DCHS2: variants seen among roughly 807,000 people sequenced by gnomAD.
The protein encoded by DCHS2 is protocadherin-23.
Under a neutral mutation model 182.4 loss-of-function variants are expected in DCHS2, and 142 were observed. The observed-to-expected ratio is 0.78, with a 90% confidence interval of 0.68 to 0.89. DCHS2 has a LOEUF of 0.89. Ranked by LOEUF, DCHS2 falls within the 40% of genes least tolerant of loss-of-function variation. The pLI is 0.00. For missense variants in DCHS2, 4,319 were observed against 4,198.6 expected (o/e 1.03, Z -0.79); for synonymous variants, 1,740 against 1,663.3 (o/e 1.05, Z -1.12).
chr4:154,343,949 C>A (rs951346519), intron 3 of DCHS2, among the ~76,000 whole-genome samples: 7 of 152,110 alleles, frequency 4.6e-5, no homozygotes, highest in African/African-American at 1.7e-4. Context: ...AGAGATATGC[C>A]ACTCTTCCTT....
intron 8 of DCHS2, 119 bp downstream of exon 8, chr4:154,322,212 G>GT: frequency 7.3e-7 from 1 of 1,363,800 alleles, no homozygotes; most frequent in African/African-American, 1.5e-5. Flanking sequence ...TAGTATTCAT[G>GT]TAACATACAT....
chr4:154,242,181 A>G (rs141076058), intron 17 of DCHS2, among the ~76,000 whole-genome samples: 35 of 152,328 alleles, frequency 2.3e-4, no homozygotes, highest in Non-Finnish European at 4.4e-5. Context: ...TTAGTGTGGT[A>G]CAAACGTTGA....
At chr4:154,278,932 C>CA (rs888785569) in intron 13 of DCHS2, among the ~76,000 whole-genome samples, 4 of 151,530 alleles carry the variant, frequency 2.6e-5, no homozygotes, top group African/African-American at 7.3e-5. Flanking sequence ...AATGAAAACA[C>CA]AAAAAAATAT....
At chr4:154,405,670 A>G (rs937365848) in intron 1 of DCHS2, among the ~76,000 whole-genome samples, 11 of 151,814 alleles carry the variant, frequency 7.2e-5, no homozygotes, top group Admixed American at 1.3e-4. Context: ...CATAGTTTTT[A>G]TTTTCTACTG....
At chr4:154,449,638 G>T (rs1417465564) in intron 1 of DCHS2, among the ~76,000 whole-genome samples, 1 of 152,152 alleles carries the variant, frequency 6.6e-6, no homozygotes, top group African/African-American at 2.4e-5. Context: ...CTCCCAAAGT[G>T]CTGGGATTAC....
At chr4:154,463,689 C>CTTTT (rs747424104) in intron 1 of DCHS2, among the ~76,000 whole-genome samples, 1 of 101,572 alleles carries the variant, frequency 9.8e-6, no homozygotes, top group African/African-American at 3.2e-5. Flanking sequence ...GCTATTCTCT[C>CTTTT]TTTTCTCTCT....
rs187925039 is a variant in DCHS2 at position 154,489,655 on chromosome 4, G to C, written c.1701C>G (p.Asp567Glu). ...GCCAGGCGTGATCACTGCCTGCCTCGTCGGCATCGGAGGCGCTGACCCACA... is the reference window on the plus strand; with the variant it reads ...GCCAGGCGTGATCACTGCCTGCCTCCTCGGCATCGGAGGCGCTGACCCACA... Reference protein sequence around the residue: ...VVMWVSASDADEAGSDHAWLR... With the variant: ...VVMWVSASDAEEAGSDHAWLR... The change falls in exon 1 of 20, where the codon GAC becomes GAG. Residue 567 changes from aspartate to glutamate, a missense_variant. By Grantham distance (45) the Asp-to-Glu change is conservative. Coordinates refer to ENST00000357232, the MANE Select transcript of DCHS2 (RefSeq NM_001358235.2). 9 of 1,551,516 alleles carry C rather than the reference G, an allele frequency of 5.8e-6. No individual in the cohort carries two copies. The highest frequency in any genetic ancestry group is 7.8e-6 in the Non-Finnish European group (9 of 1,146,948).
At chr4:154,365,962 G>A (rs1730332619) in intron 3 of DCHS2, among the ~76,000 whole-genome samples, 2 of 151,776 alleles carry the variant, frequency 1.3e-5, no homozygotes, top group African/African-American at 4.8e-5. Context: ...CCAATTTTAA[G>A]GTAAGGACAG....
In DCHS2 at chr4:154,421,125, G is replaced by A. The variant is rs142275853; in HGVS notation, c.2053-43681C>T. Among the ~76,000 whole-genome samples, 407 of 152,248 alleles carry A rather than the reference G, an allele frequency of 2.7e-3. 1 individual carries two copies. The highest frequency in any genetic ancestry group is 9.4e-3 in the African/African-American group (389 of 41,552). ...ATTATCTAGATACTGGGGAAGCATAGTGAAGAAGACTCAAAATGCAGCTTT... is the reference window on the plus strand; with the variant it reads ...ATTATCTAGATACTGGGGAAGCATAATGAAGAAGACTCAAAATGCAGCTTT... On this transcript the variant is annotated intron_variant, in intron 1 of 19. Coordinates refer to ENST00000357232, the MANE Select transcript of DCHS2 (RefSeq NM_001358235.2).
At chr4:154,430,269 T>C (rs560971632) in intron 1 of DCHS2, among the ~76,000 whole-genome samples, 1 of 152,280 alleles carries the variant, frequency 6.6e-6, no homozygotes, top group African/African-American at 2.4e-5. Context: ...GCCACTGAAA[T>C]ATTAGGCCAT....
intron 1 of DCHS2, among the ~76,000 whole-genome samples, chr4:154,422,294 T>C (rs896581383): frequency 6.6e-6 from 1 of 152,220 alleles, no homozygotes; most frequent in African/African-American, 2.4e-5. Context: ...TGTAGTACTC[T>C]AAATACAACT....
chr4:154,258,298 C>T (rs1172933910), intron 15 of DCHS2, among the ~76,000 whole-genome samples: 3 of 144,924 alleles, frequency 2.1e-5, no homozygotes, highest in Non-Finnish European at 4.5e-5. Context: ...AGCTGAGACT[C>T]TATTGGTCTT....
chr4:154,297,810 A>G (rs1734999230), intron 13 of DCHS2, 41 bp downstream of exon 13: 1 of 1,564,058 alleles, frequency 6.4e-7, no homozygotes, highest in Admixed American at 1.9e-5. Flanking sequence ...GCATTTTGTC[A>G]AAACAGGTAC....
In DCHS2 at chr4:154,400,302, CA is replaced by C. The variant is rs56268638; in HGVS notation, c.2053-22859del. Among the ~76,000 whole-genome samples, 189 of 91,438 alleles carry C rather than the reference CA, an allele frequency of 2.1e-3. 4 individuals are homozygous for C. Among genetic ancestry groups the C allele is most frequent in the Non-Finnish European group, 2.4e-3 (114 of 47,208 alleles). The allele number at this position is 91,438 out of a possible 152,430, so 60.0% of individuals were successfully genotyped here. On this transcript the variant is annotated intron_variant, in intron 1 of 19. Transcript: ENST00000357232. The stretch of plus-strand genomic sequence containing the variant: ...TGGGCAACAGAGCGAGACTTCGTCT[CA>C]AAAAAAAAAAAAAAGGAAGTAGGCT...
At chr4:154,341,347 A>T (rs1219638076) in intron 3 of DCHS2, among the ~76,000 whole-genome samples, 9 of 146,636 alleles carry the variant, frequency 6.1e-5, no homozygotes, top group Non-Finnish European at 1.3e-4. Context: ...CCAGCCTGAG[A>T]GACAGAGCGA....
chr4:154,464,190 T>C (rs973875345), intron 1 of DCHS2, among the ~76,000 whole-genome samples: 1 of 152,144 alleles, frequency 6.6e-6, no homozygotes, highest in Non-Finnish European at 1.5e-5. Flanking sequence ...TGAATTCCTA[T>C]AGAATTCAAT....
chr4:154,484,244 T>C (rs1389240604), intron 1 of DCHS2, among the ~76,000 whole-genome samples: 1 of 152,244 alleles, frequency 6.6e-6, no homozygotes, highest in Non-Finnish European at 1.5e-5. Flanking sequence ...TTCAGGCCCA[T>C]GTAGCTGAAT....
At chr4:154,438,542 T>C (rs1386802061) in intron 1 of DCHS2, among the ~76,000 whole-genome samples, 1 of 152,220 alleles carries the variant, frequency 6.6e-6, no homozygotes, top group African/African-American at 2.4e-5. Context: ...AGGATAATCT[T>C]GCCAAGTTTA....
intron 1 of DCHS2, among the ~76,000 whole-genome samples, chr4:154,447,093 AC>A (rs1165362205): frequency 6.6e-6 from 1 of 152,100 alleles, no homozygotes; most frequent in Non-Finnish European, 1.5e-5. Flanking sequence ...GGAGTTCGAG[AC>A]CAGCCTGAAC....
Sources: allele counts gnomAD v4.1 joint callset (sites outside exome capture counted in the v4.1 genomes callset), GRCh38; gene constraint gnomAD v4.1.1; transcripts MANE v1.5; gene names NCBI Gene and HGNC (gene_info 2026-07-23, HGNC 2026-07-21).